Variants in SRBD1 observed in about 807,000 individuals in gnomAD.
SRBD1 encodes S1 RNA-binding domain-containing protein 1.
A neutral mutation model predicts 115.3 loss-of-function variants in SRBD1; 88 were observed. That is an observed-to-expected ratio of 0.76 (90% CI 0.64 to 0.91). The LOEUF (loss-of-function observed/expected upper bound fraction) is 0.91. Among genes scored for constraint, SRBD1 ranks in the 40% least tolerant of loss-of-function variants. SRBD1 has a pLI of 0.00. For synonymous variants in SRBD1, 509 were observed against 407.7 expected (o/e 1.25, Z -2.99); for missense variants, 1,385 against 1,177.4 (o/e 1.18, Z -2.58).
At chr2:45,463,669 G>C (rs549238112) in intron 16 of SRBD1, among the ~76,000 whole-genome samples, 1 of 152,120 alleles carries the variant, frequency 6.6e-6, no homozygotes, top group Non-Finnish European at 1.5e-5. Flanking sequence ...TTACATCCAA[G>C]ATTGTTAGTG....
At chr2:45,406,762 C>T (rs965277590) in intron 19 of SRBD1, among the ~76,000 whole-genome samples, 1 of 152,064 alleles carries the variant, frequency 6.6e-6, no homozygotes, top group Non-Finnish European at 1.5e-5. Context: ...TAAAATAAAT[C>T]GGCACAGTTT....
intron 2 of SRBD1, among the ~76,000 whole-genome samples, chr2:45,602,910 A>C (rs1432460457): frequency 6.6e-6 from 1 of 152,224 alleles, no homozygotes; most frequent in East Asian, 1.9e-4. Flanking sequence ...ATTATGCTCT[A>C]GAAGAGAATA....
intron 14 of SRBD1, among the ~76,000 whole-genome samples, chr2:45,500,957 G>C (rs1481041139): frequency 1.3e-5 from 2 of 152,118 alleles, no homozygotes; most frequent in Non-Finnish European, 2.9e-5. Context: ...TACTTGTCTT[G>C]TTCTGTATCT....
At chr2:45,585,561 T>C (rs758593931) in intron 5 of SRBD1, 47 bp downstream of exon 5, 1 of 1,565,136 alleles carries the variant, frequency 6.4e-7, no homozygotes, top group South Asian at 1.2e-5. Context: ...TGTTCCTCAT[T>C]GGCCTTTTCC....
At chr2:45,431,481 G>A (rs954732435) in intron 16 of SRBD1, among the ~76,000 whole-genome samples, 1 of 152,156 alleles carries the variant, frequency 6.6e-6, no homozygotes, top group East Asian at 1.9e-4. Context: ...CCTTTGCAGG[G>A]ATATGAAGCT....
chr2:45,570,924 T>C (rs191837333), intron 9 of SRBD1, among the ~76,000 whole-genome samples: 3 of 152,118 alleles, frequency 2.0e-5, no homozygotes, highest in Middle Eastern at 3.4e-3. Context: ...TAAAGGCAAA[T>C]ATATTAGCCC....
At chr2:45,511,713 T>C (rs1187910340) in intron 14 of SRBD1, among the ~76,000 whole-genome samples, 1 of 152,234 alleles carries the variant, frequency 6.6e-6, no homozygotes, top group Non-Finnish European at 1.5e-5. Context: ...TCTGCACTTT[T>C]CATAAGAAGC....
chr2:45,529,103 G>T (rs948463556), intron 14 of SRBD1, among the ~76,000 whole-genome samples: 2 of 151,860 alleles, frequency 1.3e-5, no homozygotes, highest in African/African-American at 4.8e-5. Context: ...ATAATTAACA[G>T]TACTATAGTA....
Position 45,389,406 on chromosome 2 carries a change from G to A in SRBD1, c.2892C>T (p.Ser964=), listed in dbSNP as rs759381863. ...CTCTTTCTCCGGGGCCCAGTCCAAG[G>A]CTTCTTCTCTTCTTTGTTTTTGAAA... The part of the protein sequence containing the change: ...AKLSKTKKRR[S]LGLGPGERVE... Residue 964 remains serine (S), a synonymous_variant, in exon 21 of 21, where the codon AGC becomes AGT. Coordinates refer to ENST00000263736, the MANE Select transcript of SRBD1 (RefSeq NM_018079.5). The A allele has an allele frequency of 9.9e-6, 16 of 1,613,898 alleles. No individual in the cohort carries two copies. In the South Asian group the frequency reaches 1.6e-4, roughly 17 times the overall value.
chr2:45,426,385 G>T (rs1309055480), intron 16 of SRBD1, among the ~76,000 whole-genome samples: 1 of 152,190 alleles, frequency 6.6e-6, no homozygotes, highest in Non-Finnish European at 1.5e-5. Flanking sequence ...ATCTCCCTGG[G>T]ACAGAGCACC....
intron 9 of SRBD1, among the ~76,000 whole-genome samples, chr2:45,568,388 A>C (rs1672902909): frequency 6.6e-6 from 1 of 152,282 alleles, no homozygotes; most frequent in Middle Eastern, 3.4e-3. Flanking sequence ...TATCTACATA[A>C]AGGCTGAAAA....
chr2:45,553,801 G>C, intron 10 of SRBD1, 71 bp from the exon 11 acceptor site: 1 of 937,582 alleles, frequency 1.1e-6, no homozygotes, highest in Non-Finnish European at 1.6e-6. Flanking sequence ...CTCCCAAAAA[G>C]AAGGGAGATG....
At chr2:45,500,100 A>G (rs942451694) in intron 14 of SRBD1, among the ~76,000 whole-genome samples, 6 of 152,156 alleles carry the variant, frequency 3.9e-5, no homozygotes, top group African/African-American at 1.4e-4. Flanking sequence ...AAGACATTTT[A>G]ACAATATTAA....
intron 4 of SRBD1, among the ~76,000 whole-genome samples, chr2:45,589,856 C>T (rs965702724): frequency 2.0e-5 from 3 of 152,128 alleles, no homozygotes; most frequent in Admixed American, 1.3e-4. Flanking sequence ...AATCAAGTGC[C>T]TCTTCTCAAG....
At chr2:45,449,433 T>C (rs938798756) in intron 16 of SRBD1, among the ~76,000 whole-genome samples, 2 of 152,200 alleles carry the variant, frequency 1.3e-5, no homozygotes, top group Non-Finnish European at 2.9e-5. Context: ...TTTTAAACAC[T>C]TATTTAAAAG....
chr2:45,427,145 G>C (rs943525085), intron 16 of SRBD1, among the ~76,000 whole-genome samples: 3 of 152,166 alleles, frequency 2.0e-5, no homozygotes, highest in African/African-American at 7.2e-5. Context: ...AAAATAAGCA[G>C]GGGTTGCAAT....
chr2:45,551,039 T>A, intron 12 of SRBD1, 86 bp downstream of exon 12: 1 of 1,464,210 alleles, frequency 6.8e-7, no homozygotes, highest in Non-Finnish European at 9.1e-7. Context: ...AAAATTAACA[T>A]TATTTCCAAA....
At chr2:45,460,882 T>G (rs771270383) in intron 16 of SRBD1, among the ~76,000 whole-genome samples, 1 of 152,140 alleles carries the variant, frequency 6.6e-6, no homozygotes, top group Non-Finnish European at 1.5e-5. Flanking sequence ...AATTTCTACC[T>G]CAATCTGGGA....
intron 14 of SRBD1, among the ~76,000 whole-genome samples, chr2:45,519,998 T>C (rs1396059615): frequency 6.6e-6 from 1 of 152,232 alleles, no homozygotes; most frequent in Non-Finnish European, 1.5e-5. Flanking sequence ...AGAAAAGTGA[T>C]GATCTTAACC....
Sources: gnomAD v4.1 joint callset for allele counts (sites outside exome capture counted in the v4.1 genomes callset) on GRCh38, gnomAD v4.1.1 for gene constraint, MANE v1.5 for transcripts, NCBI Gene and HGNC (gene_info 2026-07-23, HGNC 2026-07-21) for gene names.